BCAR1: variants seen among roughly 807,000 people sequenced by gnomAD.
BCAR1 encodes the protein breast cancer anti-estrogen resistance protein 1.
Under a neutral mutation model 67.6 loss-of-function variants are expected in BCAR1, and 30 were observed. The observed-to-expected ratio is 0.44, with a 90% CI of 0.33 to 0.60. The LOEUF is 0.60. Among genes scored for constraint, BCAR1 ranks in the 20% least tolerant of loss-of-function variants. The pLI is 0.02. For missense variants in BCAR1, 1,313 were observed against 1,222.3 expected, an observed-to-expected ratio of 1.07 and a Z score of -1.11; for synonymous variants, 626 against 556.7, an observed-to-expected ratio of 1.12 and a Z score of -1.75.
chr16:75,230,126 T>C, intron 6 of BCAR1, 103 bp from the exon 7 acceptor site: 1 of 1,393,284 alleles, frequency 7.2e-7, no homozygotes, highest in South Asian at 1.5e-5. Flanking sequence ...AAAGGGCCGC[T>C]ACTCAGAGTG....
chr16:75,237,174 C>A lies in BCAR1; in HGVS notation c.795+9G>T. 6.4e-7 allele frequency: 1 copy of A among 1,568,214 alleles called. No individual in the cohort carries two copies. Among genetic ancestry groups the A allele is most frequent in the Non-Finnish European group, 8.6e-7 (1 of 1,159,962 alleles). On this transcript the variant is annotated intron_variant, in intron 3 of 6. Coordinates refer to ENST00000162330, the MANE Select transcript of BCAR1 (RefSeq NM_014567.5). ...CCTGCCCTCCCACCGCTGCGCACCC[C>A]ACACCTACCTCCTGGCCATACTGGC...
At chr16:75,265,700 G>A (rs1032273886) in intron 1 of BCAR1, 22 of 1,090,760 alleles carry the variant, frequency 2.0e-5, no homozygotes, top group African/African-American at 5.0e-5. Flanking sequence ...CCGGGGCCGA[G>A]GAGGCCCCAG....
intron 1 of BCAR1, chr16:75,264,181 C>T (rs2077959170): frequency 7.5e-7 from 1 of 1,329,046 alleles, no homozygotes; most frequent in Non-Finnish European, 9.6e-7. Flanking sequence ...GAAGGCTGCC[C>T]AAAGTCCTGT....
upstream of BCAR1, chr16:75,252,401 G>C (rs956425957): frequency 6.8e-6 from 10 of 1,465,516 alleles, no homozygotes; most frequent in South Asian, 1.1e-4. Context: ...GAGCGGCACT[G>C]GGGGAATGAG....
rs2077055687 is a variant in BCAR1 at position 75,235,076 on chromosome 16, G to C, written c.1823C>G (p.Thr608Ser). 1 of 1,612,802 alleles carries C rather than the reference G, an allele frequency of 6.2e-7. No homozygotes were observed. Among genetic ancestry groups the C allele is most frequent in the Admixed American group, 1.7e-5 (1 of 60,012 alleles). Residue 608 changes from threonine to serine, a missense_variant, in exon 5 of 7, where the codon ACC becomes AGC. Coordinates refer to ENST00000162330, the MANE Select transcript of BCAR1 (RefSeq NM_014567.5). ...HGNASLLFRR[T>S]KATAPGPEGG... ...CTCAGGCCCCGGGGCAGTGGCCTTG[G>C]TCCGTCTGAAGAGCAGTGAGGCATT...
At chr16:75,260,732 A>T (rs1482070934) in intron 1 of BCAR1, among the ~76,000 whole-genome samples, 1 of 127,222 alleles carries the variant, frequency 7.9e-6, no homozygotes, top group Non-Finnish European at 1.7e-5. Flanking sequence ...CTGGTAAAAA[A>T]TAAAACAAAG....
At position 75,230,025 on chromosome 16, in the gene BCAR1, T is replaced by TGGGGCAGGAGGGAAGCA. The variant is rs750117593; in HGVS notation, c.2101-19_2101-3dup. The TGGGGCAGGAGGGAAGCA allele has an allele frequency of 2.3e-5, 35 of 1,529,080 alleles. No homozygotes were observed. Among genetic ancestry groups the TGGGGCAGGAGGGAAGCA allele is most frequent in the Non-Finnish European group, 3.0e-5 (34 of 1,136,658 alleles). 94.7% of individuals were successfully genotyped at this position (1,529,080 alleles called of 1,614,324 possible). A position where few individuals can be genotyped will look rare whatever the true frequency, so the allele number is the denominator to read the frequency against. On this transcript the variant is annotated splice_region_variant and splice_polypyrimidine_tract_variant and intron_variant, in intron 6 of 6. Transcript: ENST00000162330. ...TTCCAGTCGTTCAAACTGCTTCAGC[T>TGGGGCAGGAGGGAAGCA]GGGGCAGGAGGGAAGCAGGAGCAGG... is the stretch of plus-strand genomic sequence containing the variant.
chr16:75,264,723 GAA>G, intron 1 of BCAR1: 1 of 1,131,082 alleles, frequency 8.8e-7, no homozygotes, highest in African/African-American at 1.6e-5. Flanking sequence ...GATAGTTAAT[GAA>G]GAGGCCACTT....
intron 5 of BCAR1, 74 bp from the exon 6 acceptor site, chr16:75,234,009 C>A: frequency 6.9e-7 from 1 of 1,453,100 alleles, no homozygotes; most frequent in Non-Finnish European, 9.4e-7. Context: ...CTGTGGCGGG[C>A]GCAGTGAGCT....
At chr16:75,253,404 C>T (rs953497092), upstream of BCAR1, among the ~76,000 whole-genome samples, 10 of 152,160 alleles carry the variant, frequency 6.6e-5, no homozygotes, top group African/African-American at 1.9e-4. Context: ...TCTGCAGGGA[C>T]GGGCAAGGAC....
chr16:75,237,927 G>A (rs1160946121), intron 2 of BCAR1, among the ~76,000 whole-genome samples: 3 of 152,176 alleles, frequency 2.0e-5, no homozygotes, highest in African/African-American at 7.2e-5. Context: ...GGCAGGTTGG[G>A]TGTGTGCTGG....
At chr16:75,239,312 C>T (rs769946286) in intron 2 of BCAR1, among the ~76,000 whole-genome samples, 1 of 152,142 alleles carries the variant, frequency 6.6e-6, no homozygotes, top group Admixed American at 6.5e-5. Flanking sequence ...AAGACCCACA[C>T]GGTCTCTGAC....
rs761612233 is a variant in BCAR1, at chr16:75,236,853, G to T, written c.912+29C>A. 3.1e-6 allele frequency: 5 copies of T among 1,606,680 alleles called. No individual in the cohort carries two copies. In the South Asian group the frequency reaches 4.5e-5, roughly 14 times the overall value. On this transcript the variant is annotated intron_variant, in intron 4 of 6. Coordinates refer to ENST00000162330, the MANE Select transcript of BCAR1 (RefSeq NM_014567.5). ...CCAGACACCCCACAGCCTCAGCCTG[G>T]CCCTGGCATTGCCCTGGCATTTGCT... is the stretch of plus-strand genomic sequence containing the variant.
intron 1 of BCAR1, among the ~76,000 whole-genome samples, chr16:75,260,202 A>G (rs1320840762): frequency 6.6e-6 from 1 of 151,784 alleles, no homozygotes; most frequent in Non-Finnish European, 1.5e-5. Context: ...TCAGAAAAAA[A>G]GGAAAAAGCC....
Position 75,235,436 on chromosome 16 carries a change from C to G in BCAR1, c.1463G>C (p.Gly488Ala). ...LDLAGSAGAT[G>A]SWRSPSEPQE... Reference sequence around the variant, plus strand: ...TGGCTCAGAGGGGCTACGCCAGCTCCCAGTCGCACCGGCGCTGCCTGCCAG... The same window carrying G: ...TGGCTCAGAGGGGCTACGCCAGCTCGCAGTCGCACCGGCGCTGCCTGCCAG... The change falls in exon 5 of 7, where the codon GGG becomes GCG. Residue 488 changes from glycine (G) to alanine (A), a missense_variant. Transcript: ENST00000162330. 6.2e-7 allele frequency: 1 copy of G among 1,608,298 alleles called. No individual in the cohort carries two copies. Among genetic ancestry groups the G allele is most frequent in the Non-Finnish European group, 8.5e-7 (1 of 1,179,248 alleles).
In BCAR1 at chr16:75,248,946, C is replaced by T. The variant is rs190142054; in HGVS notation, c.12+2525G>A. 606 of 152,520 alleles carry T rather than the reference C, an allele frequency of 4.0e-3. 5 individuals carry two copies. Among genetic ancestry groups the T allele is most frequent in the Non-Finnish European group, 6.6e-3 (449 of 68,192 alleles). 9.4% of individuals were successfully genotyped at this position (152,520 alleles called of 1,614,324 possible). ...AGCACCACAGCAGATGCCTTTATGC[C>T]CAGGGCCAGCTATGGGCTGAAAGCA... is the stretch of plus-strand genomic sequence containing the variant. On this transcript the variant is annotated intron_variant, in intron 1 of 6. Coordinates refer to ENST00000162330, the MANE Select transcript of BCAR1 (RefSeq NM_014567.5).
intron 6 of BCAR1, among the ~76,000 whole-genome samples, chr16:75,232,466 T>C (rs2076934551): frequency 6.6e-6 from 1 of 152,206 alleles, no homozygotes; most frequent in African/African-American, 2.4e-5. Flanking sequence ...GGCCACAATT[T>C]GTATTAATGT....
intron 6 of BCAR1, among the ~76,000 whole-genome samples, chr16:75,232,819 C>T (rs770974300): frequency 2.6e-5 from 4 of 152,198 alleles, no homozygotes; most frequent in Non-Finnish European, 4.4e-5. Flanking sequence ...CGGCTGCAGC[C>T]TCACTGCTGT....
upstream of BCAR1, among the ~76,000 whole-genome samples, chr16:75,255,746 C>T (rs563614926): frequency 2.2e-4 from 33 of 151,572 alleles, no homozygotes; most frequent in African/African-American, 6.8e-4. Flanking sequence ...AATCCCAGCA[C>T]TTTGGGAGGC....
Sources: gnomAD v4.1 joint callset for allele counts (sites outside exome capture counted in the v4.1 genomes callset) on GRCh38, gnomAD v4.1.1 for gene constraint, MANE v1.5 for transcripts, NCBI Gene and HGNC (gene_info 2026-07-23, HGNC 2026-07-21) for gene names.